The following SAP18 variants were observed in gnomAD, a reference collection of about 807,000 sequenced individuals.
SAP18 encodes the protein histone deacetylase complex subunit SAP18.
A neutral mutation model predicts 18.6 loss-of-function variants in SAP18; 4 were observed. The ratio of observed to expected loss-of-function variants is 0.21; its 90% CI spans 0.11 to 0.49. The LOEUF (loss-of-function observed/expected upper bound fraction) is 0.49, where lower values mean the gene tolerates loss of function less well. SAP18 is among the 20% of genes least tolerant of loss of function. The pLI, the probability that SAP18 is intolerant of heterozygous loss-of-function variation, is 0.98. For missense variants in SAP18, 170 were observed against 226.4 expected (o/e 0.75, Z 1.60); for synonymous variants, 112 against 82.8 (o/e 1.35, Z -1.92).
intron 2 of SAP18, chr13:21,141,299 A>T (rs569440102): frequency 7.1e-6 from 3 of 423,246 alleles, no homozygotes; most frequent in South Asian, 6.7e-5. Flanking sequence ...ATGTTGTAGT[A>T]TCTGCCCTAA....
intron 2 of SAP18, among the ~76,000 whole-genome samples, chr13:21,145,959 G>A (rs1021948023): frequency 2.0e-5 from 3 of 152,200 alleles, no homozygotes; most frequent in African/African-American, 7.2e-5. Flanking sequence ...TGTGACAAGA[G>A]CCTGTGCTTC....
chr13:21,146,203 T>C (rs1315802707), intron 2 of SAP18, among the ~76,000 whole-genome samples: 2 of 152,074 alleles, frequency 1.3e-5, no homozygotes, highest in African/African-American at 4.8e-5. Context: ...AAAAATTACC[T>C]GGGCGTGGTG....
intron 2 of SAP18, among the ~76,000 whole-genome samples, chr13:21,142,260 C>G (rs1869494118): frequency 6.6e-6 from 1 of 151,146 alleles, no homozygotes; most frequent in African/African-American, 2.4e-5. Flanking sequence ...GTACTCCAGC[C>G]TGGGCGACAG....
chr13:21,140,831 C>A, intron 1 of SAP18, 55 bp from the exon 2 acceptor site: 1 of 1,576,374 alleles, frequency 6.3e-7, no homozygotes, highest in Non-Finnish European at 8.7e-7. Flanking sequence ...AGATGAGCTC[C>A]GGGTTCGCAG....
chr13:21,142,274 G>T (rs960918949), intron 2 of SAP18, among the ~76,000 whole-genome samples: 4 of 150,928 alleles, frequency 2.7e-5, no homozygotes, highest in Non-Finnish European at 5.9e-5. Flanking sequence ...GCGACAGAGC[G>T]AGACTCTGTC....
exon 4 of SAP18, chr13:21,147,425 A>G: frequency 8.0e-7 from 1 of 1,248,424 alleles, no homozygotes. Context: ...GATTATTGCC[A>G]TTAAGCCTTT....
At chr13:21,145,915 G>A (rs1869633809) in intron 2 of SAP18, among the ~76,000 whole-genome samples, 1 of 152,154 alleles carries the variant, frequency 6.6e-6, no homozygotes, top group Non-Finnish European at 1.5e-5. Context: ...ATGAAAGTTG[G>A]ATTCAAGTCA....
Position 21,146,962 on chromosome 13 carries a change from C to CT in SAP18, c.362+38dup, listed in dbSNP as rs769944513. 16 of 1,583,486 alleles carry CT rather than the reference C, an allele frequency of 1.0e-5. No homozygotes were observed. The South Asian group carries it at 1.6e-4, about 16-fold the overall frequency. ...TTCTCATTTTTAAGTCCTGTAATCT[C>CT]TTTGTTTTTAGTATGTTTTAACTGA... is the stretch of plus-strand genomic sequence containing the variant. On this transcript the variant is annotated intron_variant, in intron 3 of 3. Transcript: ENST00000621421.
chr13:21,143,495 A>T (rs925350121), intron 2 of SAP18, among the ~76,000 whole-genome samples: 5 of 152,234 alleles, frequency 3.3e-5, no homozygotes, highest in Non-Finnish European at 5.9e-5. Flanking sequence ...GATTTAGCTT[A>T]TATGGAAGAA....
At chr13:21,147,139 G>A in intron 3 of SAP18, 47 bp from the exon 4 acceptor site, 1 of 1,573,086 alleles carries the variant, frequency 6.4e-7, no homozygotes, top group Non-Finnish European at 8.6e-7. Flanking sequence ...GTACATACTG[G>A]GTTTCATTGA....
upstream of SAP18, chr13:21,140,452 G>T (rs575712951): frequency 1.5e-6 from 2 of 1,360,852 alleles, no homozygotes; most frequent in South Asian, 1.4e-5. Flanking sequence ...GCTCCGGCTC[G>T]CTCACCACGC....
intron 2 of SAP18, among the ~76,000 whole-genome samples, chr13:21,145,556 G>C (rs1869620655): frequency 6.6e-6 from 1 of 152,048 alleles, no homozygotes; most frequent in South Asian, 2.1e-4. Flanking sequence ...ACCCAGGCTG[G>C]AGCACAGTGG....
chr13:21,146,053 A>G (rs1024896114), intron 2 of SAP18, among the ~76,000 whole-genome samples: 6 of 152,196 alleles, frequency 3.9e-5, no homozygotes, highest in African/African-American at 1.4e-4. Context: ...GAAAGAAGAA[A>G]CACATCTGGC....
At chr13:21,148,322 T>A (rs1014369343) in exon 4 of SAP18, 5 of 152,144 alleles carry the variant, frequency 3.3e-5, no homozygotes, top group African/African-American at 1.2e-4. Context: ...GCCTGACAAA[T>A]GAGAAACAAT....
At chr13:21,143,628 T>C (rs1393755362) in intron 2 of SAP18, among the ~76,000 whole-genome samples, 1 of 152,174 alleles carries the variant, frequency 6.6e-6, no homozygotes, top group Non-Finnish European at 1.5e-5. Flanking sequence ...GTCAAGACGG[T>C]ACTGCTCCTC....
At chr13:21,146,035 C>T (rs1869637789) in intron 2 of SAP18, among the ~76,000 whole-genome samples, 1 of 152,108 alleles carries the variant, frequency 6.6e-6, no homozygotes, top group East Asian at 1.9e-4. Context: ...ACTTACAATT[C>T]TATCTAAGAA....
chr13:21,145,560 AC>A (rs1400156902), intron 2 of SAP18, among the ~76,000 whole-genome samples: 2 of 152,004 alleles, frequency 1.3e-5, no homozygotes, highest in African/African-American at 4.8e-5. Flanking sequence ...AGGCTGGAGC[AC>A]AGTGGCACAG....
intron 2 of SAP18, among the ~76,000 whole-genome samples, chr13:21,144,783 A>G (rs1443018930): frequency 6.6e-6 from 1 of 152,184 alleles, no homozygotes; most frequent in Admixed American, 6.5e-5. Context: ...GTTGGTCTGG[A>G]AAGACAGTCC....
At chr13:21,140,396 C>T (rs1869399721), upstream of SAP18, 1 of 727,522 alleles carries the variant, frequency 1.4e-6, no homozygotes, top group Non-Finnish European at 2.2e-6. Flanking sequence ...CTCCTCCCCG[C>T]GGACGTCAGC....
Sources: gnomAD v4.1 joint callset for allele counts (sites outside exome capture counted in the v4.1 genomes callset) on GRCh38, gnomAD v4.1.1 for gene constraint, MANE v1.5 for transcripts, NCBI Gene and HGNC (gene_info 2026-07-23, HGNC 2026-07-21) for gene names.